Variants in GPHN observed in about 807,000 individuals in gnomAD.
GPHN encodes gephyrin.
In GPHN, 17 loss-of-function variants were observed where a neutral mutation model predicts 95.5. That is an observed-to-expected ratio of 0.18 (90% CI 0.12 to 0.27). The LOEUF (loss-of-function observed/expected upper bound fraction) is 0.27, where lower values mean the gene tolerates loss of function less well. Among genes scored for constraint, GPHN ranks in the 10% least tolerant of loss-of-function variants. The probability of loss-of-function intolerance (pLI) is 1.00; values close to 1 mark genes in which losing one functional copy is unlikely to be tolerated. For synonymous variants in GPHN, 320 were observed against 322.5 expected (o/e 0.99, Z 0.08); for missense variants, 660 against 978.1 (o/e 0.67, Z 4.34).
At chr14:66,835,107 T>A (rs2153502909) in intron 4 of GPHN, among the ~76,000 whole-genome samples, 1 of 151,912 alleles carries the variant, frequency 6.6e-6, no homozygotes, top group Admixed American at 6.6e-5. Flanking sequence ...TGATATCCCC[T>A]TTTTCATTTT....
chr14:66,834,516 G>C (rs58811107), intron 4 of GPHN, among the ~76,000 whole-genome samples: 5 of 152,044 alleles, frequency 3.3e-5, no homozygotes, highest in South Asian at 2.1e-4. Flanking sequence ...AGATAATCAT[G>C]TGGTTTTTGT....
chr14:66,508,476 C>G lies in GPHN; in HGVS notation c.-52C>G. On this transcript the variant is annotated 5_prime_UTR_variant, in exon 1 of 23. Transcript: ENST00000478722. Reference sequence around the variant, plus strand: ...GAGCGCGCTCCCGGCCCGCGCGCTCCGGGCTCCGGTTTCTCCCGGCTCCTG... The same window carrying G: ...GAGCGCGCTCCCGGCCCGCGCGCTCGGGGCTCCGGTTTCTCCCGGCTCCTG... 1 of 1,572,732 alleles carries G rather than the reference C, an allele frequency of 6.4e-7. No individual in the cohort carries two copies. The highest frequency in any genetic ancestry group is 8.8e-7 in the Non-Finnish European group (1 of 1,142,510).
chr14:67,159,386 A>G (rs774837765), intron 18 of GPHN, 29 bp from the exon 19 acceptor site: 2 of 1,299,186 alleles, frequency 1.5e-6, no homozygotes, highest in Non-Finnish European at 2.2e-6. Context: ...AATGTTTGAA[A>G]GTAAAGTGAT....
At chr14:67,699,907 C>T in the GPHN span, among the ~76,000 whole-genome samples, 1 of 151,922 alleles carries the variant, frequency 6.6e-6, no homozygotes, top group African/African-American at 2.4e-5. Flanking sequence ...TTTGGGAGGC[C>T]GAGGTGGGCG....
At chr14:67,192,530 C>T in the GPHN span, among the ~76,000 whole-genome samples, 6 of 151,610 alleles carry the variant, frequency 4.0e-5, no homozygotes, top group South Asian at 2.1e-4. Flanking sequence ...GCCCGCACAC[C>T]GAGAAGGCAA....
At chr14:67,313,828 CTG>C in the GPHN span, among the ~76,000 whole-genome samples, 1 of 151,922 alleles carries the variant, frequency 6.6e-6, no homozygotes, top group African/African-American at 2.4e-5. Flanking sequence ...GATATTGTCT[CTG>C]TTATAATTCT....
At chr14:67,352,611 G>A in the GPHN span, 2 of 212,110 alleles carry the variant, frequency 9.4e-6, no homozygotes, top group Non-Finnish European at 1.9e-5. Flanking sequence ...ATAAGTTCTG[G>A]GGAAAGAGTA....
the GPHN span, among the ~76,000 whole-genome samples, chr14:67,500,421 G>A: frequency 6.6e-6 from 1 of 152,140 alleles, no homozygotes; most frequent in Admixed American, 6.5e-5. Context: ...TTGCAGGTGA[G>A]CTGAGCTCTC....
intron 1 of GPHN, among the ~76,000 whole-genome samples, chr14:66,513,970 G>T (rs1471463863): frequency 6.6e-6 from 1 of 151,748 alleles, no homozygotes; most frequent in Non-Finnish European, 1.5e-5. Context: ...GCTTTAAAAA[G>T]AATTCTTAAT....
chr14:66,769,693 A>G (rs2059094272), intron 2 of GPHN, among the ~76,000 whole-genome samples: 1 of 152,048 alleles, frequency 6.6e-6, no homozygotes, highest in Non-Finnish European at 1.5e-5. Context: ...TTCATGGTGT[A>G]TATGTATATG....
chr14:67,200,421 C>G, the GPHN span: 1 of 528,420 alleles, frequency 1.9e-6, no homozygotes, highest in Non-Finnish European at 3.4e-6. Flanking sequence ...GGCTAAGGCA[C>G]TAATCCCTTT....
intron 2 of GPHN, chr14:66,760,538 A>G (rs892378506): frequency 3.2e-5 from 9 of 278,838 alleles, no homozygotes; most frequent in Non-Finnish European, 5.0e-5. Flanking sequence ...CAACATGCAT[A>G]TCGAGAAGTG....
chr14:67,174,370 G>T (rs1182970835), intron 21 of GPHN, among the ~76,000 whole-genome samples: 4 of 151,954 alleles, frequency 2.6e-5, no homozygotes, highest in Admixed American at 2.6e-4. Context: ...TGAGAATGAT[G>T]GTTTCCAGCT....
intron 1 of GPHN, among the ~76,000 whole-genome samples, chr14:66,512,448 T>G (rs1012153644): frequency 6.6e-6 from 1 of 151,814 alleles, no homozygotes; most frequent in Non-Finnish European, 1.5e-5. Context: ...GATACCAAGG[T>G]ACTTAGCTGA....
intron 10 of GPHN, among the ~76,000 whole-genome samples, chr14:67,043,578 C>T (rs546160505): frequency 6.6e-6 from 1 of 152,212 alleles, no homozygotes; most frequent in South Asian, 2.1e-4. Flanking sequence ...GGTATGAAGC[C>T]GACTTGATCA....
At chr14:66,839,700 C>T (rs1369564503) in intron 4 of GPHN, among the ~76,000 whole-genome samples, 5 of 152,144 alleles carry the variant, frequency 3.3e-5, no homozygotes, top group Non-Finnish European at 2.9e-5. Context: ...CACTTTAATA[C>T]CCCCATTGAT....
At chr14:66,543,654 C>T (rs2059430955) in intron 1 of GPHN, among the ~76,000 whole-genome samples, 1 of 152,160 alleles carries the variant, frequency 6.6e-6, no homozygotes, top group Non-Finnish European at 1.5e-5. Flanking sequence ...GAGTATTTGT[C>T]AGTTAGTAAA....
At chr14:66,509,965 C>T (rs1030484473) in intron 1 of GPHN, among the ~76,000 whole-genome samples, 3 of 152,048 alleles carry the variant, frequency 2.0e-5, no homozygotes, top group African/African-American at 4.8e-5. Context: ...TAAAGGATTG[C>T]CTTTCCCTGG....
At chr14:67,640,139 T>A in the GPHN span, among the ~76,000 whole-genome samples, 1 of 152,122 alleles carries the variant, frequency 6.6e-6, no homozygotes, top group Non-Finnish European at 1.5e-5. Context: ...TTTTTATAGA[T>A]GTTTTATTTG....
Sources: gnomAD v4.1 joint callset for allele counts (sites outside exome capture counted in the v4.1 genomes callset) on GRCh38, gnomAD v4.1.1 for gene constraint, MANE v1.5 for transcripts, NCBI Gene and HGNC (gene_info 2026-07-23, HGNC 2026-07-21) for gene names.